PGCKA1: variants seen among roughly 807,000 people sequenced by gnomAD.
The protein encoded by PGCKA1 is PDCD10 and GCKIII kinases-associated protein 1.
the PGCKA1 span, among the ~76,000 whole-genome samples, chr4:37,462,705 A>T: frequency 2.0e-5 from 3 of 151,814 alleles, no homozygotes; most frequent in Non-Finnish European, 2.9e-5. Context: ...AAAGATTTTT[A>T]TTTTTTTTCA....
At chr4:37,463,810 C>CAA in the PGCKA1 span, among the ~76,000 whole-genome samples, 4,952 of 128,124 alleles carry the variant, frequency 0.039, 287 homozygotes, top group African/African-American at 0.13. Flanking sequence ...TTTATATAAC[C>CAA]AAAAAAAAAA....
the PGCKA1 span, among the ~76,000 whole-genome samples, chr4:37,488,878 C>CTTG: frequency 6.6e-6 from 1 of 152,164 alleles, no homozygotes; most frequent in Non-Finnish European, 1.5e-5. Context: ...GACCCTTGAA[C>CTTG]AACACAGGTT....
chr4:37,475,755 T>C, the PGCKA1 span, among the ~76,000 whole-genome samples: 270 of 152,188 alleles, frequency 1.8e-3, 2 homozygotes, highest in African/African-American at 6.3e-3. Flanking sequence ...TATTACAGGA[T>C]AGATTTCTAG....
the PGCKA1 span, among the ~76,000 whole-genome samples, chr4:37,567,066 A>AAAAAT: frequency 2.3e-3 from 351 of 150,046 alleles, 5 homozygotes; most frequent in African/African-American, 6.7e-3. Flanking sequence ...GCGGACAAAA[A>AAAAAT]AAAATAAAAT....
chr4:37,559,792 A>C, the PGCKA1 span, among the ~76,000 whole-genome samples: 69,056 of 151,582 alleles, frequency 0.46, 16,519 homozygotes, highest in South Asian at 0.54. Context: ...TACCATTTCC[A>C]TCTTTGTCCG....
the PGCKA1 span, among the ~76,000 whole-genome samples, chr4:37,545,058 G>T: frequency 6.6e-6 from 1 of 152,172 alleles, no homozygotes; most frequent in Non-Finnish European, 1.5e-5. Flanking sequence ...GTTTCTCCAT[G>T]TTGGTCTGGC....
At chr4:37,489,210 T>A in the PGCKA1 span, among the ~76,000 whole-genome samples, 1 of 152,332 alleles carries the variant, frequency 6.6e-6, no homozygotes, top group Non-Finnish European at 1.5e-5. Context: ...CAATACTGTA[T>A]TGTGCACTTA....
At chr4:37,571,783 C>T in the PGCKA1 span, among the ~76,000 whole-genome samples, 5 of 151,856 alleles carry the variant, frequency 3.3e-5, no homozygotes, top group African/African-American at 4.8e-5. Context: ...GTGATCTGCC[C>T]GCCTCAGCCT....
the PGCKA1 span, among the ~76,000 whole-genome samples, chr4:37,494,030 A>G: frequency 6.6e-6 from 1 of 152,170 alleles, no homozygotes; most frequent in Non-Finnish European, 1.5e-5. Flanking sequence ...GTGCTGCAAT[A>G]AACATGGGAA....
At chr4:37,587,176 T>C in the PGCKA1 span, among the ~76,000 whole-genome samples, 1 of 152,120 alleles carries the variant, frequency 6.6e-6, no homozygotes, top group Non-Finnish European at 1.5e-5. Flanking sequence ...TCCTCTTCTG[T>C]CTATAATCAA....
chr4:37,532,729 G>C, the PGCKA1 span, among the ~76,000 whole-genome samples: 1 of 152,142 alleles, frequency 6.6e-6, no homozygotes, highest in Non-Finnish European at 1.5e-5. Context: ...TAGGAACATA[G>C]CTTTTAATCC....
chr4:37,550,872 G>A, the PGCKA1 span, among the ~76,000 whole-genome samples: 1 of 152,070 alleles, frequency 6.6e-6, no homozygotes, highest in Non-Finnish European at 1.5e-5. Context: ...TGAATTACCG[G>A]CCCAAAAGAA....
chr4:37,576,097 T>C, the PGCKA1 span, among the ~76,000 whole-genome samples: 1 of 152,154 alleles, frequency 6.6e-6, no homozygotes, highest in African/African-American at 2.4e-5. Context: ...TGGTTCCACA[T>C]ACATTTTAGA....
the PGCKA1 span, among the ~76,000 whole-genome samples, chr4:37,547,677 T>C: frequency 1.3e-5 from 2 of 152,020 alleles, no homozygotes; most frequent in Non-Finnish European, 2.9e-5. Flanking sequence ...CATAGACAAT[T>C]ACACCTGGTT....
the PGCKA1 span, among the ~76,000 whole-genome samples, chr4:37,545,362 C>A: frequency 6.6e-6 from 1 of 152,086 alleles, no homozygotes; most frequent in Non-Finnish European, 1.5e-5. Context: ...GTCCAGAAAC[C>A]CTGTTTCACC....
At chr4:37,460,850 T>C in the PGCKA1 span, 9 of 386,032 alleles carry the variant, frequency 2.3e-5, 1 homozygote, top group South Asian at 1.8e-4. Context: ...TTAGATCCCA[T>C]TTGTCAATTT....
At chr4:37,530,222 T>C in the PGCKA1 span, among the ~76,000 whole-genome samples, 1 of 152,194 alleles carries the variant, frequency 6.6e-6, no homozygotes, top group Non-Finnish European at 1.5e-5. Context: ...ATTGGATCTT[T>C]TCTATTATAA....
At chr4:37,458,667 C>A in the PGCKA1 span, among the ~76,000 whole-genome samples, 1 of 152,082 alleles carries the variant, frequency 6.6e-6, no homozygotes, top group African/African-American at 2.4e-5. Flanking sequence ...AAGCAACGCC[C>A]CTTGAGGCCT....
At chr4:37,559,844 A>G in the PGCKA1 span, among the ~76,000 whole-genome samples, 2 of 152,180 alleles carry the variant, frequency 1.3e-5, no homozygotes, top group East Asian at 3.9e-4. Flanking sequence ...CTCCAGTGGA[A>G]CCAGCCTGGT....
Sources: allele counts gnomAD v4.1 joint callset (sites outside exome capture counted in the v4.1 genomes callset), GRCh38; gene constraint gnomAD v4.1.1; transcripts MANE v1.5; gene names NCBI Gene and HGNC (gene_info 2026-07-23, HGNC 2026-07-21).